Variants in CSMD1 observed in about 807,000 individuals in gnomAD.
CSMD1 encodes the protein CUB and Sushi multiple domains 1, also known as CUB and sushi domain-containing protein 1.
In CSMD1, 213 loss-of-function variants were observed where a neutral mutation model predicts 417.5. The ratio of observed to expected loss-of-function variants is 0.51; its 90% confidence interval spans 0.46 to 0.57. CSMD1 has a LOEUF of 0.57. CSMD1 is among the 20% of genes least tolerant of loss of function. CSMD1 has a pLI of 0.00. For missense variants in CSMD1, 6,923 were observed against 4,529.7 expected (o/e 1.53, Z -15.17); for synonymous variants, 2,862 against 1,736.8 (o/e 1.65, Z -16.11).
At chr8:3,340,018 C>T (rs1168211110) in intron 23 of CSMD1, among the ~76,000 whole-genome samples, 1 of 152,158 alleles carries the variant, frequency 6.6e-6, no homozygotes, top group Non-Finnish European at 1.5e-5. Flanking sequence ...CGTATTTATT[C>T]CGATTTGGCC....
intron 1 of CSMD1, among the ~76,000 whole-genome samples, chr8:4,903,429 C>A (rs947322825): frequency 7.9e-5 from 12 of 151,930 alleles, no homozygotes; most frequent in African/African-American, 2.9e-4. Context: ...ACTTTTTTTA[C>A]CCTTGAGAAT....
At chr8:4,674,086 T>A (rs1423990360) in intron 1 of CSMD1, among the ~76,000 whole-genome samples, 1 of 152,180 alleles carries the variant, frequency 6.6e-6, no homozygotes, top group Non-Finnish European at 1.5e-5. Context: ...CTTATATGCA[T>A]TATTCTCTTT....
intron 55 of CSMD1, among the ~76,000 whole-genome samples, chr8:2,977,653 T>C (rs1441345307): frequency 6.6e-6 from 1 of 152,184 alleles, no homozygotes; most frequent in African/African-American, 2.4e-5. Context: ...ACCAACAGAA[T>C]GGATGAAAAT....
At chr8:4,607,448 C>G (rs1457589371) in intron 2 of CSMD1, among the ~76,000 whole-genome samples, 1 of 152,116 alleles carries the variant, frequency 6.6e-6, no homozygotes. Flanking sequence ...ACTGTTGAAA[C>G]AGTTGTGAAG....
intron 1 of CSMD1, among the ~76,000 whole-genome samples, chr8:4,894,810 C>T (rs964713774): frequency 6.6e-6 from 1 of 151,916 alleles, no homozygotes; most frequent in African/African-American, 2.4e-5. Context: ...CATGAACGGA[C>T]AACTTGATCT....
intron 3 of CSMD1, among the ~76,000 whole-genome samples, chr8:4,218,977 C>G (rs1274741175): frequency 6.6e-6 from 1 of 152,168 alleles, no homozygotes; most frequent in Non-Finnish European, 1.5e-5. Flanking sequence ...TAATCAAATA[C>G]TCCCGGTGTA....
intron 1 of CSMD1, among the ~76,000 whole-genome samples, chr8:4,842,042 T>A (rs1563561764): frequency 6.6e-6 from 1 of 151,738 alleles, no homozygotes; most frequent in Non-Finnish European, 1.5e-5. Context: ...CTGAGAGAGA[T>A]GCTTTTCAAT....
rs187226673 is a variant in CSMD1, at chr8:3,097,000, C to A, written c.6987G>T (p.Ser2329=). Reference sequence around the variant, plus strand: ...GATACCCTGGACTGAGAATGACTCCCGATGATCCAGTCCGGACTTCATTTG... The same window carrying A: ...GATACCCTGGACTGAGAATGACTCCAGATGATCCAGTCCGGACTTCATTTG... ...CPANEVRTGS[S]GVILSPGYPG... The change falls in exon 47 of 70, where the codon TCG becomes TCT. Residue 2329 remains serine (S), a synonymous_variant. Transcript: ENST00000635120. 21 of 1,555,092 alleles carry A rather than the reference C, an allele frequency of 1.4e-5. No homozygotes were observed. The highest frequency in any genetic ancestry group is 1.7e-4 in the Middle Eastern group (1 of 6,014).
At chr8:4,877,898 A>G (rs1229635605) in intron 1 of CSMD1, among the ~76,000 whole-genome samples, 2 of 152,124 alleles carry the variant, frequency 1.3e-5, no homozygotes, top group African/African-American at 4.8e-5. Context: ...AACATCATTG[A>G]GAAGGAAATT....
At chr8:3,704,735 A>G (rs956271815) in intron 7 of CSMD1, 2 of 152,150 alleles carry the variant, frequency 1.3e-5, no homozygotes, top group African/African-American at 4.8e-5. Flanking sequence ...CAACCAGACC[A>G]CTGACCTTGA....
rs769685134 is a variant in CSMD1 at position 3,213,948 on chromosome 8, C to T, written c.4867+549G>A. On this transcript the variant is annotated intron_variant, in intron 30 of 69. Coordinates refer to ENST00000635120, the MANE Select transcript of CSMD1 (RefSeq NM_033225.6). ...TCTCAGCTCACTGCCCAGGTTCAAG[C>T]GATTCTCCTGCCTCACCCTACTGAG... Among the ~76,000 whole-genome samples the T allele has an allele frequency of 3.6e-4, 55 of 151,726 alleles. No individual in the cohort carries two copies. In the Middle Eastern group the frequency reaches 0.01, roughly 29 times the overall value.
At position 3,680,889 on chromosome 8, in the gene CSMD1, C is replaced by A. The variant is rs548470806; in HGVS notation, c.1009+27525G>T. On this transcript the variant is annotated intron_variant, in intron 7 of 69. Coordinates refer to ENST00000635120, the MANE Select transcript of CSMD1 (RefSeq NM_033225.6). ...GGATGCAAGGCTGGTTCAATATACG[C>A]AAATCAGTAAACGTAATCCAGCATA... Among the ~76,000 whole-genome samples the A allele has an allele frequency of 2.0e-5, 3 of 152,282 alleles. No homozygotes were observed. In the East Asian group the frequency reaches 5.8e-4, roughly 29 times the overall value.
At chr8:4,412,205 G>T (rs532318586) in intron 3 of CSMD1, among the ~76,000 whole-genome samples, 3 of 152,108 alleles carry the variant, frequency 2.0e-5, no homozygotes, top group African/African-American at 7.2e-5. Context: ...ATGTTAAATT[G>T]TAACCCCCAG....
At chr8:4,133,945 T>C (rs973807311) in intron 3 of CSMD1, among the ~76,000 whole-genome samples, 1 of 152,214 alleles carries the variant, frequency 6.6e-6, no homozygotes, top group Admixed American at 6.5e-5. Flanking sequence ...GTTTTCTTTT[T>C]CAGGTCATGC....
chr8:3,733,618 C>G (rs1962540), intron 6 of CSMD1, among the ~76,000 whole-genome samples: 1 of 151,770 alleles, frequency 6.6e-6, no homozygotes, highest in Admixed American at 6.6e-5. Context: ...CATCCTGCCT[C>G]GGTCCCGAAT....
At chr8:4,782,259 T>C (rs1487442913) in intron 1 of CSMD1, among the ~76,000 whole-genome samples, 4 of 152,158 alleles carry the variant, frequency 2.6e-5, no homozygotes, top group Non-Finnish European at 2.9e-5. Context: ...GTTTTCAATA[T>C]CCTTACCAAA....
intron 5 of CSMD1, among the ~76,000 whole-genome samples, chr8:3,925,834 G>A (rs537451785): frequency 1.6e-4 from 25 of 151,982 alleles, no homozygotes; most frequent in African/African-American, 5.8e-4. Context: ...ACTAATACGG[G>A]CAGTGAAAGA....
At chr8:4,205,305 T>C (rs1799911442) in intron 3 of CSMD1, among the ~76,000 whole-genome samples, 1 of 152,246 alleles carries the variant, frequency 6.6e-6, no homozygotes, top group African/African-American at 2.4e-5. Flanking sequence ...AAAAGATTAT[T>C]GTTATTTACT....
chr8:3,517,423 C>T (rs1043718619), intron 10 of CSMD1, among the ~76,000 whole-genome samples: 1 of 151,886 alleles, frequency 6.6e-6, no homozygotes, highest in Admixed American at 6.6e-5. Context: ...AAAGAGAGTC[C>T]TCTACACTCC....
Sources: gnomAD v4.1 joint callset for allele counts (sites outside exome capture counted in the v4.1 genomes callset) on GRCh38, gnomAD v4.1.1 for gene constraint, MANE v1.5 for transcripts, NCBI Gene and HGNC (gene_info 2026-07-23, HGNC 2026-07-21) for gene names.